The following MED13L variants were observed in gnomAD, a reference collection of about 807,000 sequenced individuals.
MED13L encodes mediator of RNA polymerase II transcription subunit 13-like.
MED13L carries 7 observed loss-of-function variants against 220.9 expected under a neutral mutation model. The observed-to-expected ratio is 0.03, with a 90% confidence interval of 0.02 to 0.06. MED13L has a LOEUF of 0.06. Ranked by LOEUF, MED13L falls within the 10% of genes least tolerant of loss-of-function variation. The probability of loss-of-function intolerance (pLI) is 1.00; values close to 1 mark genes in which losing one functional copy is unlikely to be tolerated. For missense variants in MED13L, 1,965 were observed against 2,760.5 expected (o/e 0.71, Z 6.46); for synonymous variants, 1,011 against 1,015.2 (o/e 1.00, Z 0.08).
chr12:116,094,983 A>G (rs1385688056), intron 4 of MED13L, among the ~76,000 whole-genome samples: 2 of 152,138 alleles, frequency 1.3e-5, no homozygotes, highest in Non-Finnish European at 2.9e-5. Context: ...CAGCCATGGC[A>G]AAACCCTGTC....
Position 115,991,437 on chromosome 12 carries a change from C to T in MED13L, c.3517G>A (p.Gly1173Ser), listed in dbSNP as rs201987892. ...GFSAIMNRKL[G>S]YNSGLFLEDE... ...TCAAGGAAGAGTCCTGAATTGTAGC[C>T]AAGTTTGCGGTTCATAATCGCACTA... The change falls in exon 17 of 31, where the codon GGC becomes AGC. Residue 1173 changes from glycine to serine, a missense_variant. Physicochemically the swap from Gly to Ser is moderately conservative, Grantham distance 56. Around this residue, in one of 10 missense-constraint regions of MED13L, gnomAD observed 165 missense variants for 190.8 expected, o/e 0.86. Transcript: ENST00000281928. The surrounding 1 kb of genome is among the most constrained non-coding windows in gnomAD (Gnocchi z 7.7). The T allele has an allele frequency of 1.9e-4, 311 of 1,614,040 alleles. 2 individuals are homozygous for T. The highest frequency in any genetic ancestry group is 2.3e-4 in the Non-Finnish European group (269 of 1,180,016).
At chr12:116,216,841 C>T (rs1029668898) in intron 2 of MED13L, among the ~76,000 whole-genome samples, 1 of 152,106 alleles carries the variant, frequency 6.6e-6, no homozygotes, top group Non-Finnish European at 1.5e-5. Flanking sequence ...CTTGATTTGA[C>T]ACTGAAAATC....
intron 2 of MED13L, among the ~76,000 whole-genome samples, chr12:116,207,156 CTT>C (rs60517165): frequency 2.1e-5 from 3 of 144,958 alleles, no homozygotes; most frequent in Admixed American, 6.9e-5. Flanking sequence ...TTTACTGCAC[CTT>C]TTTTTTTTTT....
chr12:116,005,056 A>G (rs1030614541), intron 13 of MED13L, among the ~76,000 whole-genome samples: 3 of 152,214 alleles, frequency 2.0e-5, no homozygotes, highest in Non-Finnish European at 4.4e-5. Context: ...TCTAACCTCA[A>G]TGACTAGCCT....
intron 2 of MED13L, among the ~76,000 whole-genome samples, chr12:116,123,969 T>C (rs1875317870): frequency 6.6e-6 from 1 of 152,160 alleles, no homozygotes; most frequent in Non-Finnish European, 1.5e-5. Context: ...AGCACATTTA[T>C]AGACAGGGGA....
Position 115,975,507 on chromosome 12 carries a change from C to T in MED13L, c.5588+8G>A. ...TTTACATGCACCATAAACATCAAGT[C>T]TTCTCACCTGTTTGGTAAAGCAATA... On this transcript the variant is annotated splice_region_variant and intron_variant, in intron 24 of 30. Coordinates refer to ENST00000281928, the MANE Select transcript of MED13L (RefSeq NM_015335.5). 1 of 1,611,580 alleles carries T rather than the reference C, an allele frequency of 6.2e-7. No individual in the cohort carries two copies. The highest frequency in any genetic ancestry group is 8.5e-7 in the Non-Finnish European group (1 of 1,177,834).
intron 22 of MED13L, 54 bp from the exon 23 acceptor site, chr12:115,980,992 T>C (rs1877289632): frequency 1.4e-6 from 2 of 1,463,874 alleles, no homozygotes; most frequent in Non-Finnish European, 1.9e-6. Context: ...GAAACTGAGA[T>C]CTAACACACT....
intron 7 of MED13L, among the ~76,000 whole-genome samples, chr12:116,015,534 A>C (rs1566011801): frequency 6.6e-6 from 1 of 152,176 alleles, no homozygotes; most frequent in Non-Finnish European, 1.5e-5. Context: ...TCACACAACC[A>C]TAAGGGCACA....
At chr12:116,193,984 T>C (rs1881451039) in intron 2 of MED13L, among the ~76,000 whole-genome samples, 1 of 152,172 alleles carries the variant, frequency 6.6e-6, no homozygotes, top group Non-Finnish European at 1.5e-5. Context: ...TCCAATTAAC[T>C]TTCCAGCCTT....
chr12:116,067,865 CACA>C (rs920360511), intron 4 of MED13L, among the ~76,000 whole-genome samples: 1 of 152,176 alleles, frequency 6.6e-6, no homozygotes, highest in African/African-American at 2.4e-5. Context: ...ATGTCTGGAA[CACA>C]ACAAGACTCA....
At chr12:116,176,366 T>A (rs1264501859) in intron 2 of MED13L, among the ~76,000 whole-genome samples, 1 of 152,116 alleles carries the variant, frequency 6.6e-6, no homozygotes, top group Non-Finnish European at 1.5e-5. Context: ...AGTGTCTGAC[T>A]TACACTAAGG....
chr12:116,062,486 GTGT>G (rs1429305877), intron 4 of MED13L, among the ~76,000 whole-genome samples: 5 of 110,438 alleles, frequency 4.5e-5, no homozygotes, highest in Admixed American at 3.7e-4. Context: ...CTCTCTCTCT[GTGT>G]TTTTTTTTTT....
At chr12:116,005,212 C>G (rs897598040) in intron 13 of MED13L, among the ~76,000 whole-genome samples, 1 of 152,200 alleles carries the variant, frequency 6.6e-6, no homozygotes, top group African/African-American at 2.4e-5. Flanking sequence ...TTACTCATCT[C>G]TAGATCTCCC....
At chr12:115,988,910 T>TTC (rs1219146370) in intron 17 of MED13L, among the ~76,000 whole-genome samples, 1 of 152,234 alleles carries the variant, frequency 6.6e-6, no homozygotes, top group Admixed American at 6.5e-5. Context: ...TGCATTTTCT[T>TTC]CACTTCATAA....
intron 2 of MED13L, among the ~76,000 whole-genome samples, chr12:116,195,774 T>C (rs1881586612): frequency 6.6e-6 from 1 of 151,776 alleles, no homozygotes; most frequent in African/African-American, 2.4e-5. Flanking sequence ...AAATTTCTTT[T>C]ATAAAGGGAA....
chr12:116,232,503 ATTAAAAATTT>A (rs1359028803), intron 2 of MED13L, among the ~76,000 whole-genome samples: 2 of 152,380 alleles, frequency 1.3e-5, no homozygotes, highest in Admixed American at 1.3e-4. Context: ...TTATCAAATC[ATTAAAAATTT>A]TCACAAATTT....
intron 2 of MED13L, among the ~76,000 whole-genome samples, chr12:116,219,526 A>C (rs575752600): frequency 6.6e-6 from 1 of 152,320 alleles, no homozygotes; most frequent in Admixed American, 6.5e-5. Context: ...AGAGATGTGA[A>C]TATAAAGATT....
At chr12:116,198,729 A>G (rs1011585154) in intron 2 of MED13L, among the ~76,000 whole-genome samples, 8 of 71,898 alleles carry the variant, frequency 1.1e-4, no homozygotes, top group Non-Finnish European at 1.8e-4. Flanking sequence ...AAAGAAAGGG[A>G]TCCAAGAAAT....
chr12:115,977,268 G>T (rs1004613875), intron 23 of MED13L, among the ~76,000 whole-genome samples: 1 of 152,186 alleles, frequency 6.6e-6, no homozygotes, highest in Non-Finnish European at 1.5e-5. Flanking sequence ...CATTAGGCAT[G>T]GCAGTAACAG....
Sources: allele counts gnomAD v4.1 joint callset (sites outside exome capture counted in the v4.1 genomes callset), GRCh38; gene constraint gnomAD v4.1.1; regional missense constraint gnomAD v4.1.1; non-coding constraint Gnocchi (gnomAD v3.1); transcripts MANE v1.5; gene names NCBI Gene and HGNC (gene_info 2026-07-23, HGNC 2026-07-21).